Variants in FBXL7 observed in about 807,000 individuals in gnomAD.
FBXL7 encodes the protein F-box and leucine rich repeat protein 7, also known as F-box/LRR-repeat protein 7.
A neutral mutation model predicts 38.3 loss-of-function variants in FBXL7; 12 were observed. The observed-to-expected ratio is 0.31, with a 90% CI of 0.20 to 0.51. The LOEUF is 0.51. Ranked by LOEUF, FBXL7 falls within the 20% of genes least tolerant of loss-of-function variation. The probability of loss-of-function intolerance (pLI) is 0.98; values close to 1 mark genes in which losing one functional copy is unlikely to be tolerated. For missense variants in FBXL7, 567 were observed against 676.4 expected (o/e 0.84, Z 1.79); for synonymous variants, 297 against 300.9 (o/e 0.99, Z 0.13).
chr5:15,560,177 T>C (rs1489858951), intron 1 of FBXL7, among the ~76,000 whole-genome samples: 2 of 152,200 alleles, frequency 1.3e-5, no homozygotes, highest in African/African-American at 4.8e-5. Context: ...CATACAGTTA[T>C]AGGCAGTTGA....
intron 2 of FBXL7, among the ~76,000 whole-genome samples, chr5:15,797,223 G>A (rs1399283045): frequency 6.6e-6 from 1 of 152,158 alleles, no homozygotes; most frequent in African/African-American, 2.4e-5. Context: ...AGACTAGGGT[G>A]ACCAATAAAA....
intron 2 of FBXL7, among the ~76,000 whole-genome samples, chr5:15,754,632 G>A (rs1736243490): frequency 6.6e-6 from 1 of 152,188 alleles, no homozygotes; most frequent in Non-Finnish European, 1.5e-5. Flanking sequence ...TTATACCAAT[G>A]AGAAAACTGT....
chr5:15,776,653 T>G (rs1396591590), intron 2 of FBXL7, among the ~76,000 whole-genome samples: 1 of 152,124 alleles, frequency 6.6e-6, no homozygotes, highest in South Asian at 2.1e-4. Context: ...AATTCGCACT[T>G]TTTTTGGTAT....
At chr5:15,660,482 A>G (rs1282798050) in intron 2 of FBXL7, among the ~76,000 whole-genome samples, 1 of 152,056 alleles carries the variant, frequency 6.6e-6, no homozygotes, top group Non-Finnish European at 1.5e-5. Flanking sequence ...TCAGCCTCCC[A>G]AGTAGCTGGG....
chr5:15,606,419 G>A (rs536050831), intron 1 of FBXL7, among the ~76,000 whole-genome samples: 8 of 152,352 alleles, frequency 5.3e-5, no homozygotes, highest in African/African-American at 1.9e-4. Context: ...TGTAGGCAAT[G>A]AGGTCATGGC....
intron 2 of FBXL7, among the ~76,000 whole-genome samples, chr5:15,797,514 A>G (rs1356144929): frequency 1.3e-5 from 2 of 152,210 alleles, no homozygotes; most frequent in Non-Finnish European, 2.9e-5. Flanking sequence ...CTTGTTCCAT[A>G]GGACGTAGCT....
rs545087414 is a variant in FBXL7 at position 15,574,357 on chromosome 5, G to A, written c.38-41626G>A. ...TTTACCAGGTTCTATAAAATAACTC[G>A]GGTTCAACCTAATATTCAGTGTAAG... On this transcript the variant is annotated intron_variant, in intron 1 of 3. Coordinates refer to ENST00000504595, the MANE Select transcript of FBXL7 (RefSeq NM_012304.5). Among the ~76,000 whole-genome samples, 43 of 152,134 alleles carry A rather than the reference G, an allele frequency of 2.8e-4. No homozygotes were observed. In the South Asian group the frequency reaches 4.6e-3, roughly 16 times the overall value.
intron 1 of FBXL7, among the ~76,000 whole-genome samples, chr5:15,504,901 T>G (rs1736602889): frequency 6.6e-6 from 1 of 152,198 alleles, no homozygotes; most frequent in African/African-American, 2.4e-5. Flanking sequence ...TTTATTCTGC[T>G]TCAGCAGGTC....
At chr5:15,836,395 AAAAG>A (rs1249351433) in intron 2 of FBXL7, among the ~76,000 whole-genome samples, 2 of 152,206 alleles carry the variant, frequency 1.3e-5, no homozygotes, top group Non-Finnish European at 2.9e-5. Flanking sequence ...AACAAAAAGA[AAAAG>A]AAAAACTAGA....
rs1742242042 is a variant in FBXL7, at chr5:15,937,789, C to CCCCCAGCTCTTCCTT, written c.*613_*614insTCCTTCCCCAGCTCT. 1 of 152,698 alleles carries CCCCCAGCTCTTCCTT rather than the reference C, an allele frequency of 6.5e-6. No homozygotes were observed. Among genetic ancestry groups the CCCCCAGCTCTTCCTT allele is most frequent in the Non-Finnish European group, 1.5e-5 (1 of 68,522 alleles). 9.5% of individuals were successfully genotyped at this position (152,698 alleles called of 1,614,324 possible). Reference sequence around the variant, plus strand: ...CAGCTGGGGAAGGACATGCAGTCCTCCCCCAGCTCTGTCAATGACTATGAC... The same window carrying CCCCCAGCTCTTCCTT: ...CAGCTGGGGAAGGACATGCAGTCCTCCCCCAGCTCTTCCTTCCCCAGCTCTGTCAATGACTATGAC... On this transcript the variant is annotated 3_prime_UTR_variant, in exon 4 of 4. Coordinates refer to ENST00000504595, the MANE Select transcript of FBXL7 (RefSeq NM_012304.5).
intron 2 of FBXL7, among the ~76,000 whole-genome samples, chr5:15,697,946 T>C (rs1466832086): frequency 6.6e-6 from 1 of 152,214 alleles, no homozygotes; most frequent in African/African-American, 2.4e-5. Context: ...GATAGAAATA[T>C]TCCTAGTGAG....
At chr5:15,916,458 C>T (rs1286244392) in intron 2 of FBXL7, among the ~76,000 whole-genome samples, 9 of 152,076 alleles carry the variant, frequency 5.9e-5, no homozygotes, top group East Asian at 1.9e-4. Flanking sequence ...GTGAGCCCAT[C>T]GAGCAGGGAG....
At chr5:15,620,491 T>G (rs1740600877) in intron 2 of FBXL7, among the ~76,000 whole-genome samples, 1 of 151,554 alleles carries the variant, frequency 6.6e-6, no homozygotes, top group Non-Finnish European at 1.5e-5. Context: ...CTTAGGTGAT[T>G]CACCCGCCTC....
chr5:15,679,000 T>C (rs1446659214), intron 2 of FBXL7, among the ~76,000 whole-genome samples: 1 of 152,246 alleles, frequency 6.6e-6, no homozygotes, highest in African/African-American at 2.4e-5. Context: ...TTCATTTTTA[T>C]GAATTAACAA....
chr5:15,591,535 T>C (rs1739475289), intron 1 of FBXL7, among the ~76,000 whole-genome samples: 1 of 151,984 alleles, frequency 6.6e-6, no homozygotes, highest in African/African-American at 2.4e-5. Flanking sequence ...TTTGGGCACC[T>C]AGGAAGGCTG....
rs73752358 is a variant in FBXL7, at chr5:15,891,572, A to C, written c.128-36318A>C. ...TTACAGTCTAGTAGAGGGAGACACA[A>C]TCAGCAAATATAAATGAGTATATTA... On this transcript the variant is annotated intron_variant, in intron 2 of 3. Transcript: ENST00000504595. Among the ~76,000 whole-genome samples the C allele has an allele frequency of 6.9e-3, 1,056 of 152,322 alleles. 20 individuals are homozygous for C. The highest frequency in any genetic ancestry group is 0.024 in the African/African-American group (1,005 of 41,572).
intron 1 of FBXL7, among the ~76,000 whole-genome samples, chr5:15,505,578 C>T (rs764578257): frequency 1.3e-5 from 2 of 152,098 alleles, no homozygotes; most frequent in African/African-American, 4.8e-5. Flanking sequence ...AACACCCACA[C>T]ACAGTAATTC....
At chr5:15,698,985 TTTTTC>T (rs949582397) in intron 2 of FBXL7, among the ~76,000 whole-genome samples, 3 of 152,104 alleles carry the variant, frequency 2.0e-5, no homozygotes, top group African/African-American at 4.8e-5. Context: ...TTGTCTTTCT[TTTTTC>T]TTTTCTTTTT....
chr5:15,914,760 G>A (rs562100282), intron 2 of FBXL7, among the ~76,000 whole-genome samples: 7 of 152,204 alleles, frequency 4.6e-5, no homozygotes, highest in Admixed American at 3.3e-4. Context: ...TGGTAGGACC[G>A]AGCGAGCACA....
Sources: allele counts gnomAD v4.1 joint callset (sites outside exome capture counted in the v4.1 genomes callset), GRCh38; gene constraint gnomAD v4.1.1; transcripts MANE v1.5; gene names NCBI Gene and HGNC (gene_info 2026-07-23, HGNC 2026-07-21).